The following ARMC3 variants were observed in gnomAD, a reference collection of about 807,000 sequenced individuals.
ARMC3 encodes armadillo repeat containing 3.
A neutral mutation model predicts 90.3 loss-of-function variants in ARMC3; 74 were observed. The ratio of observed to expected loss-of-function variants is 0.82; its 90% confidence interval spans 0.68 to 0.99. The LOEUF (loss-of-function observed/expected upper bound fraction) is 0.99, where lower values mean the gene tolerates loss of function less well. Ranked by LOEUF, ARMC3 falls within the 50% of genes least tolerant of loss-of-function variation. The pLI, the probability that ARMC3 is intolerant of heterozygous loss-of-function variation, is 0.00. For missense variants in ARMC3, 958 were observed against 1,042.8 expected (o/e 0.92, Z 1.12); for synonymous variants, 334 against 361.8 (o/e 0.92, Z 0.87).
intron 2 of ARMC3, among the ~76,000 whole-genome samples, chr10:22,939,294 C>G (rs1454743993): frequency 2.0e-5 from 3 of 152,122 alleles, no homozygotes; most frequent in African/African-American, 7.2e-5. Flanking sequence ...TCCAGAAATC[C>G]AGTTAATGGT....
chr10:22,957,682 C>T (rs1429039289), intron 4 of ARMC3, among the ~76,000 whole-genome samples: 1 of 152,122 alleles, frequency 6.6e-6, no homozygotes, highest in African/African-American at 2.4e-5. Context: ...CCCTTTACAT[C>T]TGAGGTAACA....
intron 16 of ARMC3, among the ~76,000 whole-genome samples, chr10:23,011,446 G>A (rs1348131039): frequency 6.6e-6 from 1 of 152,194 alleles, no homozygotes; most frequent in Non-Finnish European, 1.5e-5. Flanking sequence ...CTGGCACATG[G>A]TAAACACTCA....
chr10:23,013,771 A>C (rs950763657), intron 16 of ARMC3, among the ~76,000 whole-genome samples: 12 of 152,278 alleles, frequency 7.9e-5, no homozygotes, highest in South Asian at 4.1e-4. Flanking sequence ...AATGGATTCT[A>C]TCTCTTCCAT....
At chr10:22,996,060 T>C (rs1160070985) in intron 10 of ARMC3, among the ~76,000 whole-genome samples, 1 of 152,182 alleles carries the variant, frequency 6.6e-6, no homozygotes, top group African/African-American at 2.4e-5. Context: ...TTTAAGGGGC[T>C]GATTGCATTA....
intron 10 of ARMC3, among the ~76,000 whole-genome samples, chr10:22,985,733 C>T (rs1836389777): frequency 6.6e-6 from 1 of 152,164 alleles, no homozygotes; most frequent in Admixed American, 6.5e-5. Context: ...TATTAACAAA[C>T]ATGAATCCTT....
At chr10:22,961,761 G>A in intron 6 of ARMC3, 123 bp from the exon 7 acceptor site, 1 of 751,246 alleles carries the variant, frequency 1.3e-6, no homozygotes. Context: ...ATTTTGGAAG[G>A]GAATCTGGAA....
At chr10:22,935,325 A>T (rs149031877) in intron 2 of ARMC3, among the ~76,000 whole-genome samples, 7 of 152,200 alleles carry the variant, frequency 4.6e-5, no homozygotes, top group African/African-American at 1.7e-4. Context: ...TCAACCTTTC[A>T]TTCTTTGTCA....
At chr10:22,964,683 C>A (rs1835371491) in intron 7 of ARMC3, among the ~76,000 whole-genome samples, 1 of 151,562 alleles carries the variant, frequency 6.6e-6, no homozygotes. Context: ...TCAGGTGATC[C>A]TCCTGCCTTG....
intron 18 of ARMC3, among the ~76,000 whole-genome samples, chr10:23,034,829 G>C: frequency 6.6e-6 from 1 of 151,972 alleles, no homozygotes; most frequent in Non-Finnish European, 1.5e-5. Flanking sequence ...TACTTTGCAG[G>C]GTGAGGTTTT....
chr10:22,986,688 C>T (rs993693935), intron 10 of ARMC3, among the ~76,000 whole-genome samples: 6 of 151,820 alleles, frequency 4.0e-5, no homozygotes, highest in Non-Finnish European at 7.4e-5. Flanking sequence ...CAATAATGGC[C>T]ATTACTTAAA....
At chr10:23,002,720 TTCTGAG>T (rs907743844) in intron 12 of ARMC3, among the ~76,000 whole-genome samples, 1 of 151,984 alleles carries the variant, frequency 6.6e-6, no homozygotes, top group African/African-American at 2.4e-5. Context: ...TGTCTCAGCC[TTCTGAG>T]TAGCTGGGAT....
chr10:22,973,852 A>G (rs1294610644), intron 8 of ARMC3, among the ~76,000 whole-genome samples: 1 of 134,386 alleles, frequency 7.4e-6, no homozygotes, highest in Non-Finnish European at 1.5e-5. Flanking sequence ...TCCACCTCCC[A>G]GATTCTCACC....
chr10:23,025,025 A>C (rs1470802921), intron 16 of ARMC3, among the ~76,000 whole-genome samples: 1 of 152,190 alleles, frequency 6.6e-6, no homozygotes, highest in Non-Finnish European at 1.5e-5. Context: ...TAGTGATCAA[A>C]TGAATTAACT....
chr10:23,028,635 A>G (rs1272146477), intron 16 of ARMC3, among the ~76,000 whole-genome samples: 1 of 152,188 alleles, frequency 6.6e-6, no homozygotes, highest in Admixed American at 6.5e-5. Flanking sequence ...CAGGCTTCCA[A>G]TTCCAACCAG....
intron 10 of ARMC3, among the ~76,000 whole-genome samples, 198 bp downstream of exon 10, chr10:22,981,898 T>G: frequency 6.6e-6 from 1 of 152,252 alleles, no homozygotes. Context: ...AAATCTTTAC[T>G]GTTTCTGAGT....
At chr10:22,998,447 C>T in intron 11 of ARMC3, 50 bp downstream of exon 11, 1 of 1,591,636 alleles carries the variant, frequency 6.3e-7, no homozygotes, top group Non-Finnish European at 8.6e-7. Flanking sequence ...TTAGTACCTA[C>T]TGGTGGATTC....
At chr10:22,954,685 A>G (rs531257209) in intron 3 of ARMC3, among the ~76,000 whole-genome samples, 42 of 151,890 alleles carry the variant, frequency 2.8e-4, no homozygotes, top group African/African-American at 9.4e-4. Context: ...AAAAAAAAAA[A>G]AAAGAAAAAA....
intron 10 of ARMC3, among the ~76,000 whole-genome samples, chr10:22,990,279 T>A (rs1392589682): frequency 1.3e-5 from 2 of 152,212 alleles, no homozygotes; most frequent in South Asian, 2.1e-4. Context: ...CTGGAAATGG[T>A]CCTTACCACT....
intron 10 of ARMC3, among the ~76,000 whole-genome samples, chr10:22,982,321 T>C: frequency 6.6e-6 from 1 of 152,198 alleles, no homozygotes; most frequent in East Asian, 1.9e-4. Flanking sequence ...GAGGTTGCAG[T>C]GAGCCGAGCT....
Sources: allele counts gnomAD v4.1 joint callset (sites outside exome capture counted in the v4.1 genomes callset), GRCh38; gene constraint gnomAD v4.1.1; transcripts MANE v1.5; gene names NCBI Gene and HGNC (gene_info 2026-07-23, HGNC 2026-07-21).